The following ATP6V1C2 variants were observed in gnomAD, a reference collection of about 807,000 sequenced individuals.
ATP6V1C2 encodes ATPase H+ transporting V1 subunit C2, also known as V-type proton ATPase subunit C 2.
In ATP6V1C2, 45 loss-of-function variants were observed where a neutral mutation model predicts 56.8. The observed-to-expected ratio is 0.79, with a 90% CI of 0.62 to 1.02. The LOEUF is 1.02. Among genes scored for constraint, ATP6V1C2 ranks in the 50% least tolerant of loss-of-function variants. The pLI is 0.00. For synonymous variants in ATP6V1C2, 220 were observed against 201.3 expected (o/e 1.09, Z -0.79); for missense variants, 463 against 519.7 (o/e 0.89, Z 1.06).
chr2:10,722,847 A>G lies in ATP6V1C2; in HGVS notation c.-3A>G, dbSNP rs779166260. 1 of 1,614,016 alleles carries G rather than the reference A, an allele frequency of 6.2e-7. No homozygotes were observed. Among genetic ancestry groups the G allele is most frequent in the Non-Finnish European group, 8.5e-7 (1 of 1,179,970 alleles). Reference sequence around the variant, plus strand: ...AGTCACTGGGTAAGAGAAGACTGGAAGCATGTCGGAGTTTTGGTTAATTTC... The same window carrying G: ...AGTCACTGGGTAAGAGAAGACTGGAGGCATGTCGGAGTTTTGGTTAATTTC... On this transcript the variant is annotated 5_prime_UTR_variant, in exon 2 of 14. Transcript: ENST00000272238.
intron 3 of ATP6V1C2, among the ~76,000 whole-genome samples, chr2:10,752,831 A>G (rs1235420281): frequency 6.6e-6 from 1 of 152,126 alleles, no homozygotes; most frequent in Non-Finnish European, 1.5e-5. Flanking sequence ...CCCCGTCTCT[A>G]CTAAAAATAC....
chr2:10,751,195 A>G (rs539525117), intron 3 of ATP6V1C2, among the ~76,000 whole-genome samples: 2 of 152,180 alleles, frequency 1.3e-5, no homozygotes, highest in East Asian at 1.9e-4. Context: ...CAGGGACAAG[A>G]GGATTGAGGT....
intron 3 of ATP6V1C2, among the ~76,000 whole-genome samples, chr2:10,739,137 G>T (rs909535639): frequency 3.3e-5 from 5 of 152,102 alleles, no homozygotes; most frequent in Non-Finnish European, 5.9e-5. Context: ...GAAAAAATTA[G>T]CTGGGCATTG....
Position 10,772,404 on chromosome 2 carries a change from G to A in ATP6V1C2, c.570-138G>A, listed in dbSNP as rs907733816. ...CCCCATGGGAACAGCAGACCTCAGG[G>A]GAGGTGAGGGCTCCCTCTGACCCCA... On this transcript the variant is annotated intron_variant, in intron 7 of 13. Coordinates refer to ENST00000272238, the MANE Select transcript of ATP6V1C2 (RefSeq NM_001039362.2). 7 of 758,556 alleles carry A rather than the reference G, an allele frequency of 9.2e-6. No homozygotes were observed. The African/African-American group carries it at 1.0e-4, about 11-fold the overall frequency. 47.0% of individuals were successfully genotyped at this position (758,556 alleles called of 1,614,324 possible).
In ATP6V1C2 at chr2:10,780,132, T is replaced by C. The variant is rs4668695; in HGVS notation, c.1061+1463T>C. On this transcript the variant is annotated intron_variant, in intron 12 of 13. Coordinates refer to ENST00000272238, the MANE Select transcript of ATP6V1C2 (RefSeq NM_001039362.2). This position sits in a 1 kb window ranked among gnomAD's most constrained non-coding sequence, Gnocchi z 4.1. ...CGTTTTCCTGCCCATGTTCCCTGGTTTCCAGGTCCTGCCATCTGCCTGCCG... is the reference window on the plus strand; with the variant it reads ...CGTTTTCCTGCCCATGTTCCCTGGTCTCCAGGTCCTGCCATCTGCCTGCCG... Among the ~76,000 whole-genome samples the C allele has an allele frequency of 0.34, 51,793 of 151,902 alleles. 9,727 individuals carry two copies. The highest frequency in any genetic ancestry group is 0.51 in the South Asian group (2,438 of 4,816).
upstream of ATP6V1C2, chr2:10,721,586 C>T (rs1322994036): frequency 6.6e-6 from 1 of 151,648 alleles, no homozygotes; most frequent in African/African-American, 2.4e-5. Context: ...GCCGGGGCCG[C>T]CTCCAGAGCC....
At chr2:10,783,026 A>G in intron 13 of ATP6V1C2, 148 bp from the exon 14 acceptor site, 1 of 584,458 alleles carries the variant, frequency 1.7e-6, no homozygotes. Context: ...TACACATTAA[A>G]GCACAGCAAG....
At chr2:10,738,540 C>T (rs1323067725) in intron 3 of ATP6V1C2, among the ~76,000 whole-genome samples, 2 of 152,172 alleles carry the variant, frequency 1.3e-5, no homozygotes, top group Non-Finnish European at 2.9e-5. Flanking sequence ...TTCAGGGACC[C>T]ACGGCTCCAT....
At position 10,778,545 on chromosome 2, in the gene ATP6V1C2, G is replaced by A. The variant is rs141607474; in HGVS notation, c.964-27G>A. On this transcript the variant is annotated intron_variant, in intron 11 of 13. Coordinates refer to ENST00000272238, the MANE Select transcript of ATP6V1C2 (RefSeq NM_001039362.2). ...TGTGTCAGGCGGGGTGTTCAGCAGG[G>A]GTCACCTGGCTCTTCTGTCTTTGCA... is the stretch of plus-strand genomic sequence containing the variant. 1,993 of 1,609,964 alleles carry A rather than the reference G, an allele frequency of 1.2e-3. 19 individuals are homozygous for A. In the African/African-American group the frequency reaches 0.022, roughly 17 times the overall value.
chr2:10,782,487 G>T, intron 13 of ATP6V1C2, 112 bp downstream of exon 13: 2 of 1,295,286 alleles, frequency 1.5e-6, no homozygotes, highest in Non-Finnish European at 2.1e-6. Context: ...ATCACTTGAG[G>T]TCAAGGGTTT....
chr2:10,764,155 C>G (rs987584637), intron 4 of ATP6V1C2, among the ~76,000 whole-genome samples, 176 bp from the exon 5 acceptor site: 1 of 152,218 alleles, frequency 6.6e-6, no homozygotes, highest in African/African-American at 2.4e-5. Context: ...CACTGGCTCA[C>G]AGCTCCCCGC....
In ATP6V1C2 at chr2:10,782,205, T is replaced by TC. The variant is rs758449854; in HGVS notation, c.1062-38_1062-37insC. 20 of 1,610,676 alleles carry TC rather than the reference T, an allele frequency of 1.2e-5. 1 individual carries two copies. In the South Asian group the frequency reaches 2.2e-4, roughly 18 times the overall value. On this transcript the variant is annotated intron_variant, in intron 12 of 13. Transcript: ENST00000272238. ...GGTTCCTTCTATCCGTGTTTGCATT[T>TC]GGAGCAGTGAACTGACACATTTTGT...
In ATP6V1C2 at chr2:10,763,586, T is replaced by A. The variant is rs528360749; in HGVS notation, c.284-745T>A. 6.6e-6 allele frequency among the ~76,000 whole-genome samples: 1 copy of A among 152,164 alleles called. No individual in the cohort carries two copies. The highest frequency in any genetic ancestry group is 1.5e-5 in the Non-Finnish European group (1 of 68,030). On this transcript the variant is annotated intron_variant, in intron 4 of 13. Transcript: ENST00000272238. This position sits in a 1 kb window ranked among gnomAD's most constrained non-coding sequence, Gnocchi z 4.2. ...GGGACATCCGCCATGGGAAGGGCCC[T>A]CTGCCAGGGGCACAGGAATTCCAGG...
At position 10,772,310 on chromosome 2, in the gene ATP6V1C2, C is replaced by T. The variant is rs145962718; in HGVS notation, c.570-232C>T. On this transcript the variant is annotated intron_variant, in intron 7 of 13. Coordinates refer to ENST00000272238, the MANE Select transcript of ATP6V1C2 (RefSeq NM_001039362.2). ...CCGGATTAGATGGTTATTAGCGAGC[C>T]CCAAGTGTATCCATAGCTCTTCACA... 4.6e-5 allele frequency among the ~76,000 whole-genome samples: 7 copies of T among 152,212 alleles called. No individual in the cohort carries two copies. The East Asian group carries it at 5.8e-4, about 13-fold the overall frequency.
chr2:10,760,304 G>A (rs1419101792), intron 4 of ATP6V1C2, among the ~76,000 whole-genome samples: 6 of 152,046 alleles, frequency 3.9e-5, no homozygotes, highest in Admixed American at 3.9e-4. Context: ...CTGGAGGCCA[G>A]AGGTTGCAGT....
intron 3 of ATP6V1C2, among the ~76,000 whole-genome samples, chr2:10,741,567 G>A (rs530292842): frequency 1.3e-5 from 2 of 152,250 alleles, no homozygotes; most frequent in South Asian, 2.1e-4. Flanking sequence ...GGGCACTGGC[G>A]GGCCTGGGGT....
intron 3 of ATP6V1C2, among the ~76,000 whole-genome samples, chr2:10,730,881 G>A (rs182832842): frequency 3.9e-5 from 6 of 152,100 alleles, no homozygotes; most frequent in East Asian, 1.9e-4. Context: ...TCAAACTCCC[G>A]ATCTCAGGTG....
In ATP6V1C2 at chr2:10,727,261, G is replaced by A. The variant is rs78998507; in HGVS notation, c.197+692G>A. Reference sequence around the variant, plus strand: ...ACTTTTGTATTTTTAGCAGAGACAGGGTTTCACCATGTGTTCCAGGCTAGT... The same window carrying A: ...ACTTTTGTATTTTTAGCAGAGACAGAGTTTCACCATGTGTTCCAGGCTAGT... On this transcript the variant is annotated intron_variant, in intron 3 of 13. Coordinates refer to ENST00000272238, the MANE Select transcript of ATP6V1C2 (RefSeq NM_001039362.2). 9.9e-3 allele frequency among the ~76,000 whole-genome samples: 1,509 copies of A among 151,906 alleles called. 33 individuals carry two copies. The highest frequency in any genetic ancestry group is 0.035 in the African/African-American group (1,438 of 41,414).
At chr2:10,722,047 C>T (rs906082648) in intron 1 of ATP6V1C2, among the ~76,000 whole-genome samples, 1 of 152,206 alleles carries the variant, frequency 6.6e-6, no homozygotes, top group African/African-American at 2.4e-5. Context: ...TCTCTGGCTC[C>T]TCAGAGCTTA....
Sources: gnomAD v4.1 joint callset for allele counts (sites outside exome capture counted in the v4.1 genomes callset) on GRCh38, gnomAD v4.1.1 for gene constraint, Gnocchi (gnomAD v3.1) non-coding constraint, MANE v1.5 for transcripts, NCBI Gene and HGNC (gene_info 2026-07-23, HGNC 2026-07-21) for gene names.